TP73: variants seen among roughly 807,000 people sequenced by gnomAD.
TP73 encodes tumor protein p73, also known as p53-like transcription factor.
Under a neutral mutation model 62.5 loss-of-function variants are expected in TP73, and 25 were observed. That is an observed-to-expected ratio of 0.40 (90% CI 0.29 to 0.56). The LOEUF (loss-of-function observed/expected upper bound fraction) is 0.56. TP73 is among the 20% of genes least tolerant of loss of function. The probability of loss-of-function intolerance (pLI) is 0.46; values close to 1 mark genes in which losing one functional copy is unlikely to be tolerated. For missense variants in TP73, 754 were observed against 913.3 expected (o/e 0.83, Z 2.25); for synonymous variants, 423 against 377.5 (o/e 1.12, Z -1.40).
At chr1:3,719,799 A>G (rs552515141) in intron 4 of TP73, among the ~76,000 whole-genome samples, 61 of 152,228 alleles carry the variant, frequency 4.0e-4, no homozygotes, top group Admixed American at 2.9e-3. Context: ...CGCTGTGCCC[A>G]AGCCTGCAGC....
intron 4 of TP73, among the ~76,000 whole-genome samples, chr1:3,711,846 A>ATGTGTGTG (rs3841787): frequency 2.2e-4 from 33 of 150,108 alleles, no homozygotes; most frequent in African/African-American, 5.2e-4. Context: ...GAGCGTGTGT[A>ATGTGTGTG]TGTGTGTGTG....
At chr1:3,681,400 C>T (rs1389675878) in intron 1 of TP73, among the ~76,000 whole-genome samples, 1 of 152,198 alleles carries the variant, frequency 6.6e-6, no homozygotes, top group Non-Finnish European at 1.5e-5. Flanking sequence ...CTGTGCTCTG[C>T]CTGGACACTG....
At position 3,718,445 on chromosome 1, in the gene TP73, G is replaced by A. The variant is rs111807503; in HGVS notation, c.430-3576G>A. Among the ~76,000 whole-genome samples, 98 of 152,324 alleles carry A rather than the reference G, an allele frequency of 6.4e-4. 1 individual carries two copies. Among genetic ancestry groups the A allele is most frequent in the African/African-American group, 2.2e-3 (90 of 41,592 alleles). The stretch of plus-strand genomic sequence containing the variant: ...GGGGCGGGCTCAGCAGGGCGCTGCT[G>A]AGAGGCCGCTGCCTAGGTCTGCGAA... On this transcript the variant is annotated intron_variant, in intron 4 of 13. Transcript: ENST00000378295.
chr1:3,728,191 G>A lies in TP73; in HGVS notation c.1048G>A (p.Gly350Arg), dbSNP rs1298049345. The A allele has an allele frequency of 2.5e-6, 4 of 1,611,954 alleles. No homozygotes were observed. The highest frequency in any genetic ancestry group is 1.3e-5 in the African/African-American group (1 of 75,070). The change falls in exon 9 of 14, where the codon GGA becomes AGA. Residue 350 changes from glycine (G) to arginine (R), a missense_variant. Physicochemically the swap from Gly to Arg is moderately radical, Grantham distance 125. This residue lies in a region of TP73 where 458 missense variants were observed against 528.7 expected (regional missense o/e 0.87). Coordinates refer to ENST00000378295, the MANE Select transcript of TP73 (RefSeq NM_005427.4). The stretch of plus-strand genomic sequence containing the variant: ...TGCCGGTGTGAAGAAGCGGCGGCAT[G>A]GAGACGAGGACACGTACTACCTTCA... ...LGAGVKKRRH[G>R]DEDTYYLQVR...
At chr1:3,688,838 T>C (rs1645733271) in intron 3 of TP73, among the ~76,000 whole-genome samples, 1 of 152,116 alleles carries the variant, frequency 6.6e-6, no homozygotes, top group South Asian at 2.1e-4. Context: ...TGGGTGGGGC[T>C]CGTGCTGAAG....
rs1333960608 is a variant in TP73 at position 3,733,331 on chromosome 1, G to C, written c.*252G>C. On this transcript the variant is annotated 3_prime_UTR_variant, in exon 14 of 14. Transcript: ENST00000378295. The stretch of plus-strand genomic sequence containing the variant: ...CTAGTGCTGGGCTTGTGGGGCGGGG[G>C]CTGGCCCACTCTCAGCCCTGCCACT... The C allele has an allele frequency of 3.5e-6, 2 of 564,898 alleles. No individual in the cohort carries two copies. Among genetic ancestry groups the C allele is most frequent in the Admixed American group, 6.3e-5 (2 of 31,768 alleles). 35.0% of individuals were successfully genotyped at this position (564,898 alleles called of 1,614,324 possible).
intron 1 of TP73, among the ~76,000 whole-genome samples, chr1:3,654,926 G>A (rs1016091603): frequency 6.6e-6 from 1 of 152,268 alleles, no homozygotes; most frequent in East Asian, 1.9e-4. Flanking sequence ...GTGGAGAGAA[G>A]AGAAGAGGCT....
chr1:3,695,206 T>C (rs1395224834), intron 3 of TP73, among the ~76,000 whole-genome samples: 1 of 152,192 alleles, frequency 6.6e-6, no homozygotes, highest in Non-Finnish European at 1.5e-5. Context: ...GTGGGGCCCC[T>C]CTAGAAGAGG....
At chr1:3,659,269 C>T (rs2208993) in intron 1 of TP73, 6 of 151,896 alleles carry the variant, frequency 4.0e-5, no homozygotes, top group South Asian at 2.1e-4. Context: ...TGTTGGGCTC[C>T]GAGCATCTTC....
intron 6 of TP73, among the ~76,000 whole-genome samples, chr1:3,723,786 G>A (rs1002437774): frequency 3.6e-4 from 55 of 152,354 alleles, no homozygotes; most frequent in Middle Eastern, 3.4e-3. Context: ...CACTGGTTCC[G>A]GCCTGGGGCT....
intron 1 of TP73, among the ~76,000 whole-genome samples, chr1:3,675,580 C>G (rs1052360402): frequency 6.6e-6 from 1 of 152,036 alleles, no homozygotes; most frequent in African/African-American, 2.4e-5. Context: ...CTGGGCCAGA[C>G]GGGGCAGAGG....
chr1:3,698,343 C>T (rs979854640), intron 3 of TP73, among the ~76,000 whole-genome samples: 1 of 152,218 alleles, frequency 6.6e-6, no homozygotes, highest in Non-Finnish European at 1.5e-5. Context: ...TGGACCAGCC[C>T]GTTTCCAGGT....
At chr1:3,673,496 G>A (rs1030366049) in intron 1 of TP73, among the ~76,000 whole-genome samples, 21 of 152,176 alleles carry the variant, frequency 1.4e-4, no homozygotes, top group Non-Finnish European at 2.5e-4. Context: ...TCCACCTAGC[G>A]CTTCTAGGAG....
chr1:3,657,776 C>T (rs953144905), intron 1 of TP73, among the ~76,000 whole-genome samples: 2 of 152,126 alleles, frequency 1.3e-5, no homozygotes, highest in Non-Finnish European at 2.9e-5. Context: ...GCCCCCCTCT[C>T]CCCCAGCACC....
chr1:3,670,443 T>TCA lies in TP73; in HGVS notation c.-33-11889_-33-11888dup, dbSNP rs552974381. 2.1e-3 allele frequency among the ~76,000 whole-genome samples: 312 copies of TCA among 151,996 alleles called. No homozygotes were observed. The highest frequency in any genetic ancestry group is 6.3e-3 in the African/African-American group (260 of 41,432). ...ACTCTGGGAGGCTGAGGCGGGTGGA[T>TCA]CAACAGAGGTCAGGAGTTCGAGAGC... On this transcript the variant is annotated intron_variant, in intron 1 of 13. Transcript: ENST00000378295. The surrounding 1 kb of genome is among the most constrained non-coding windows in gnomAD (Gnocchi z 5.9).
chr1:3,672,873 C>T lies in TP73; in HGVS notation c.-33-9460C>T, dbSNP rs760770761. On this transcript the variant is annotated intron_variant, in intron 1 of 13. Coordinates refer to ENST00000378295, the MANE Select transcript of TP73 (RefSeq NM_005427.4). The surrounding 1 kb of genome is among the most constrained non-coding windows in gnomAD (Gnocchi z 5.3). Reference sequence around the variant, plus strand: ...TTAGAGGAAGCTCAGCCCATCAGGCCGCTCATGCTTCTGACCCCACCTCCA... The same window carrying T: ...TTAGAGGAAGCTCAGCCCATCAGGCTGCTCATGCTTCTGACCCCACCTCCA... Among the ~76,000 whole-genome samples the T allele has an allele frequency of 4.6e-5, 7 of 152,118 alleles. No homozygotes were observed. Among genetic ancestry groups the T allele is most frequent in the Admixed American group, 1.3e-4 (2 of 15,272 alleles).
At chr1:3,724,310 T>G (rs1641332626) in intron 6 of TP73, among the ~76,000 whole-genome samples, 1 of 152,006 alleles carries the variant, frequency 6.6e-6, no homozygotes. Context: ...TCCCTGTACC[T>G]GGTTCTGAGA....
At chr1:3,715,868 G>A (rs533469562) in intron 4 of TP73, among the ~76,000 whole-genome samples, 215 of 152,224 alleles carry the variant, frequency 1.4e-3, no homozygotes, top group African/African-American at 4.8e-3. Context: ...CCCCTACCCC[G>A]ATCATAGCCC....
chr1:3,686,190 C>T (rs774999558), intron 3 of TP73, among the ~76,000 whole-genome samples: 21 of 152,234 alleles, frequency 1.4e-4, no homozygotes, highest in Non-Finnish European at 2.8e-4. Context: ...CGGGCAGGCA[C>T]AGTGCTTGAG....
Sources: allele counts gnomAD v4.1 joint callset (sites outside exome capture counted in the v4.1 genomes callset), GRCh38; gene constraint gnomAD v4.1.1; regional missense constraint gnomAD v4.1.1; non-coding constraint Gnocchi (gnomAD v3.1); transcripts MANE v1.5; gene names NCBI Gene and HGNC (gene_info 2026-07-23, HGNC 2026-07-21).